Variants in RNF169 observed in about 807,000 individuals in gnomAD.
RNF169 encodes the protein E3 ubiquitin-protein ligase RNF169.
A neutral mutation model predicts 53.9 loss-of-function variants in RNF169; 24 were observed. The observed-to-expected ratio is 0.45, with a 90% CI of 0.32 to 0.63. The LOEUF (loss-of-function observed/expected upper bound fraction) is 0.63. RNF169 is among the 20% of genes least tolerant of loss of function. The pLI is 0.04. For synonymous variants in RNF169, 396 were observed against 363.5 expected (o/e 1.09, Z -1.02); for missense variants, 883 against 906.2 (o/e 0.97, Z 0.33).
chr11:74,770,915 C>T (rs1237983900), intron 1 of RNF169, among the ~76,000 whole-genome samples: 1 of 152,130 alleles, frequency 6.6e-6, no homozygotes, highest in Admixed American at 6.6e-5. Context: ...AAGGGATTCT[C>T]CTGCCTCAGC....
intron 1 of RNF169, among the ~76,000 whole-genome samples, chr11:74,762,974 A>G (rs2035112020): frequency 6.6e-6 from 1 of 152,232 alleles, no homozygotes; most frequent in African/African-American, 2.4e-5. Flanking sequence ...ATTTCTGCAT[A>G]AAGTTGAGAT....
chr11:74,822,125 A>T (rs1435636023), intron 4 of RNF169, among the ~76,000 whole-genome samples: 1 of 151,836 alleles, frequency 6.6e-6, no homozygotes, highest in East Asian at 1.9e-4. Context: ...CTCCAACCTT[A>T]ATTTCTTGGT....
chr11:74,752,275 C>T lies in RNF169; in HGVS notation c.502+2893C>T, dbSNP rs7111253. Among the ~76,000 whole-genome samples the T allele has an allele frequency of 1.4e-3, 204 of 145,040 alleles. 1 individual carries two copies. Among genetic ancestry groups the T allele is most frequent in the Non-Finnish European group, 1.9e-3 (128 of 66,348 alleles). The stretch of plus-strand genomic sequence containing the variant: ...AAAGGGAAAAAAAAGAAGTGATTCT[C>T]TCTTACCCCCTTATTTCTCACTCCC... On this transcript the variant is annotated intron_variant, in intron 1 of 5. Coordinates refer to ENST00000299563, the MANE Select transcript of RNF169 (RefSeq NM_001098638.2).
At chr11:74,750,244 A>C (rs146079818) in intron 1 of RNF169, among the ~76,000 whole-genome samples, 1 of 152,312 alleles carries the variant, frequency 6.6e-6, no homozygotes, top group East Asian at 1.9e-4. Flanking sequence ...GTTATAACTT[A>C]GGATTCTTTT....
At chr11:74,801,895 A>C (rs1214645112) in intron 2 of RNF169, among the ~76,000 whole-genome samples, 1 of 152,210 alleles carries the variant, frequency 6.6e-6, no homozygotes, top group Non-Finnish European at 1.5e-5. Flanking sequence ...CCCCCTTAGA[A>C]TGTAGGGTCC....
At chr11:74,801,858 A>T (rs1195395440) in intron 2 of RNF169, among the ~76,000 whole-genome samples, 1 of 152,224 alleles carries the variant, frequency 6.6e-6, no homozygotes, top group Non-Finnish European at 1.5e-5. Flanking sequence ...AATTAACTTA[A>T]AGATTCCCAT....
intron 1 of RNF169, among the ~76,000 whole-genome samples, chr11:74,760,261 G>T (rs1203234140): frequency 6.6e-6 from 1 of 152,176 alleles, no homozygotes; most frequent in Admixed American, 6.5e-5. Flanking sequence ...CAAAAAACCA[G>T]CTCCTGGATT....
chr11:74,759,242 A>G (rs2035037700), intron 1 of RNF169, among the ~76,000 whole-genome samples: 3 of 133,600 alleles, frequency 2.2e-5, no homozygotes, highest in Non-Finnish European at 3.2e-5. Flanking sequence ...ATAAACAATC[A>G]TGTCGTCTGC....
intron 4 of RNF169, among the ~76,000 whole-genome samples, chr11:74,821,715 C>T (rs766338161): frequency 5.0e-4 from 74 of 147,330 alleles, no homozygotes; most frequent in Non-Finnish European, 8.4e-4. Flanking sequence ...TAGGCAAATA[C>T]GTAGAGACAT....
intron 1 of RNF169, among the ~76,000 whole-genome samples, chr11:74,775,586 C>A (rs1351774742): frequency 1.3e-5 from 2 of 151,794 alleles, no homozygotes; most frequent in South Asian, 4.2e-4. Flanking sequence ...CTTGGAATAT[C>A]GTAAGCTTTT....
intron 2 of RNF169, among the ~76,000 whole-genome samples, chr11:74,801,722 G>A (rs1447713828): frequency 2.6e-5 from 4 of 152,228 alleles, no homozygotes; most frequent in Non-Finnish European, 4.4e-5. Context: ...TGATGTGGGA[G>A]GATCACTGGA....
Position 74,750,413 on chromosome 11 carries a change from G to GC in RNF169, c.502+1032dup, listed in dbSNP as rs200822839. 5.4e-3 allele frequency among the ~76,000 whole-genome samples: 816 copies of GC among 152,066 alleles called. 5 individuals carry two copies. The highest frequency in any genetic ancestry group is 9.5e-3 in the Non-Finnish European group (645 of 67,982). On this transcript the variant is annotated intron_variant, in intron 1 of 5. Transcript: ENST00000299563. ...TGTTTTTTTGGGTAAGGAAAGAGAGGCATTGCTTGTGTATACAAGTGCAGC... is the reference window on the plus strand; with the variant it reads ...TGTTTTTTTGGGTAAGGAAAGAGAGGCCATTGCTTGTGTATACAAGTGCAGC...
At chr11:74,784,450 A>G (rs985233170) in intron 1 of RNF169, among the ~76,000 whole-genome samples, 4 of 152,222 alleles carry the variant, frequency 2.6e-5, no homozygotes, top group Admixed American at 6.5e-5. Context: ...ACACCGAGCA[A>G]AATCAGTAGA....
intron 2 of RNF169, among the ~76,000 whole-genome samples, chr11:74,806,438 T>TC (rs1281383262): frequency 6.6e-6 from 1 of 152,206 alleles, no homozygotes; most frequent in Admixed American, 6.5e-5. Flanking sequence ...ACCTTATGAC[T>TC]CAGCAGTTTC....
In RNF169 at chr11:74,749,451, G is replaced by C. The variant is rs551103765; in HGVS notation, c.502+69G>C. On this transcript the variant is annotated intron_variant, in intron 1 of 5. Coordinates refer to ENST00000299563, the MANE Select transcript of RNF169 (RefSeq NM_001098638.2). ...GCGCGCCCCGGCCCGGCCTGGTGAG[G>C]GGGTGGAGAGTCCCGGGCCCTACTC... is the stretch of plus-strand genomic sequence containing the variant. The C allele has an allele frequency of 8.5e-5, 99 of 1,169,062 alleles. 1 individual carries two copies. In the East Asian group the frequency reaches 3.2e-3, roughly 38 times the overall value. The allele number at this position is 1,169,062 out of a possible 1,614,324, so 72.4% of individuals were successfully genotyped here.
chr11:74,755,166 G>A (rs183451146), intron 1 of RNF169, among the ~76,000 whole-genome samples: 114 of 152,300 alleles, frequency 7.5e-4, no homozygotes, highest in African/African-American at 2.6e-3. Flanking sequence ...GAATTTGAGA[G>A]TGTCCTTATG....
In RNF169 at chr11:74,834,663, T is replaced by C; in HGVS notation, c.843-13T>C. 6.3e-7 allele frequency: 1 copy of C among 1,597,470 alleles called. No homozygotes were observed. ...TAATTTTGACTACTCGTTTTTTATT[T>C]ATTCTTTTTTAGGAAGCTAAACTCC... On this transcript the variant is annotated splice_polypyrimidine_tract_variant and intron_variant, in intron 4 of 5. Transcript: ENST00000299563.
chr11:74,765,453 C>T (rs2035158213), intron 1 of RNF169, among the ~76,000 whole-genome samples: 1 of 152,018 alleles, frequency 6.6e-6, no homozygotes, highest in African/African-American at 2.4e-5. Context: ...AACCAATTCC[C>T]CCTCCAATCC....
intron 4 of RNF169, among the ~76,000 whole-genome samples, chr11:74,834,362 A>T (rs532377686): frequency 3.0e-4 from 46 of 152,306 alleles, no homozygotes; most frequent in African/African-American, 1.0e-3. Context: ...CATTGTATCC[A>T]CCCTATTAAG....
Sources: allele counts gnomAD v4.1 joint callset (sites outside exome capture counted in the v4.1 genomes callset), GRCh38; gene constraint gnomAD v4.1.1; transcripts MANE v1.5; gene names NCBI Gene and HGNC (gene_info 2026-07-23, HGNC 2026-07-21).